Variants in PIK3AP1 observed in about 807,000 individuals in gnomAD.
PIK3AP1 encodes phosphoinositide-3-kinase adaptor protein 1.
Under a neutral mutation model 88.1 loss-of-function variants are expected in PIK3AP1, and 21 were observed. The observed-to-expected ratio is 0.24, with a 90% CI of 0.17 to 0.34. The LOEUF is 0.34. PIK3AP1 is among the 10% of genes least tolerant of loss of function. The pLI is 1.00. For synonymous variants in PIK3AP1, 398 were observed against 400.0 expected (o/e 1.00, Z 0.06); for missense variants, 828 against 1,035.7 (o/e 0.80, Z 2.75).
intron 2 of PIK3AP1, among the ~76,000 whole-genome samples, chr10:96,666,372 T>C (rs769950781): frequency 4.6e-5 from 7 of 152,058 alleles, no homozygotes; most frequent in Non-Finnish European, 1.0e-4. Context: ...TGAGCCGAGA[T>C]CGCACCATTG....
At chr10:96,606,296 G>A (rs1007457136) in intron 14 of PIK3AP1, among the ~76,000 whole-genome samples, 2 of 152,050 alleles carry the variant, frequency 1.3e-5, no homozygotes, top group Non-Finnish European at 2.9e-5. Flanking sequence ...TAGCCCCTCG[G>A]GCCCACGGGC....
At chr10:96,630,531 C>G (rs1029147297) in intron 8 of PIK3AP1, among the ~76,000 whole-genome samples, 1 of 152,046 alleles carries the variant, frequency 6.6e-6, no homozygotes, top group African/African-American at 2.4e-5. Context: ...GAACATTTTC[C>G]TCATGGAGTT....
intron 2 of PIK3AP1, among the ~76,000 whole-genome samples, chr10:96,662,540 T>C (rs1226375032): frequency 2.7e-5 from 4 of 148,204 alleles, no homozygotes; most frequent in Non-Finnish European, 4.4e-5. Flanking sequence ...GAGGCAGAGA[T>C]TGCAGTGAGC....
chr10:96,613,585 G>T (rs1564955245), intron 13 of PIK3AP1, among the ~76,000 whole-genome samples: 1 of 152,196 alleles, frequency 6.6e-6, no homozygotes, highest in East Asian at 1.9e-4. Context: ...GAGAGTCGGG[G>T]ATGGGGGCTG....
chr10:96,708,293 G>T (rs1456009190), intron 2 of PIK3AP1, among the ~76,000 whole-genome samples: 1 of 152,128 alleles, frequency 6.6e-6, no homozygotes, highest in African/African-American at 2.4e-5. Flanking sequence ...AACAAAAAGA[G>T]GCTAGGCGTG....
At chr10:96,621,291 AC>A (rs1323440665) in intron 11 of PIK3AP1, 1 of 154,134 alleles carries the variant, frequency 6.5e-6, no homozygotes, top group South Asian at 1.8e-4. Flanking sequence ...GGTAGTGGCT[AC>A]CCCCTTGGAG....
chr10:96,672,342 G>A (rs1250865619), intron 2 of PIK3AP1, among the ~76,000 whole-genome samples: 1 of 152,132 alleles, frequency 6.6e-6, no homozygotes, highest in Non-Finnish European at 1.5e-5. Flanking sequence ...ACTGACATCA[G>A]CCCAAATCTT....
intron 8 of PIK3AP1, among the ~76,000 whole-genome samples, chr10:96,629,714 CAAAAA>C (rs33921990): frequency 1.4e-5 from 1 of 71,742 alleles, no homozygotes; most frequent in African/African-American, 6.1e-5. Flanking sequence ...CCCATCTCTA[CAAAAA>C]AAAAAAAAAA....
intron 2 of PIK3AP1, among the ~76,000 whole-genome samples, chr10:96,668,096 A>C (rs1843790974): frequency 6.6e-6 from 1 of 152,230 alleles, no homozygotes; most frequent in South Asian, 2.1e-4. Context: ...CAACGAAAAA[A>C]TTTTGGAAAG....
chr10:96,607,821 G>A (rs965049203), intron 14 of PIK3AP1, among the ~76,000 whole-genome samples: 3 of 152,196 alleles, frequency 2.0e-5, no homozygotes, highest in Admixed American at 2.0e-4. Context: ...TGCCACAGAG[G>A]AAAGATGAAC....
chr10:96,705,884 G>GC (rs1844355402), intron 2 of PIK3AP1, among the ~76,000 whole-genome samples: 2 of 60,968 alleles, frequency 3.3e-5, no homozygotes, highest in Non-Finnish European at 6.2e-5. Flanking sequence ...CCAGCCAGTT[G>GC]TTTTTTTTTT....
chr10:96,716,001 C>A (rs1164137035), intron 1 of PIK3AP1, among the ~76,000 whole-genome samples: 2 of 152,028 alleles, frequency 1.3e-5, no homozygotes, highest in African/African-American at 4.8e-5. Context: ...TCATTCCTGG[C>A]CAGGAACAGT....
intron 2 of PIK3AP1, among the ~76,000 whole-genome samples, chr10:96,680,278 C>A (rs1843981506): frequency 6.6e-6 from 1 of 152,004 alleles, no homozygotes; most frequent in African/African-American, 2.4e-5. Flanking sequence ...ACTGTGGTAG[C>A]TTTTAGCGGC....
intron 2 of PIK3AP1, among the ~76,000 whole-genome samples, chr10:96,666,612 C>T (rs1307817837): frequency 6.6e-6 from 1 of 151,888 alleles, no homozygotes; most frequent in Non-Finnish European, 1.5e-5. Context: ...CACAACTAAG[C>T]TACATGGAGT....
intron 2 of PIK3AP1, among the ~76,000 whole-genome samples, chr10:96,707,439 C>T (rs753705534): frequency 2.0e-5 from 3 of 152,060 alleles, no homozygotes; most frequent in East Asian, 1.9e-4. Flanking sequence ...ATTACAGGCA[C>T]GCACCATCAC....
At chr10:96,622,540 C>T (rs774874778) in intron 11 of PIK3AP1, among the ~76,000 whole-genome samples, 2 of 152,200 alleles carry the variant, frequency 1.3e-5, no homozygotes, top group Non-Finnish European at 2.9e-5. Flanking sequence ...TTCTGCCCAA[C>T]CATTCACTTA....
Position 96,709,577 on chromosome 10 carries a change from G to A in PIK3AP1, c.420C>T (p.Ala140=), listed in dbSNP as rs1280210394. The change falls in exon 2 of 17, where the codon GCC becomes GCT. Residue 140 remains alanine, a synonymous_variant. Transcript: ENST00000339364. ...PETYVAAVKK[A]ISEDSGCDSV... is the part of the protein sequence containing the mutation. Reference sequence around the variant, plus strand: ...AGAAGAAATCCTTACCTTCGGAAATGGCTTTTTTCACAGCTGCCACGTAGG... The same window carrying A: ...AGAAGAAATCCTTACCTTCGGAAATAGCTTTTTTCACAGCTGCCACGTAGG... 2.5e-6 allele frequency: 4 copies of A among 1,603,762 alleles called. No individual in the cohort carries two copies. The highest frequency in any genetic ancestry group is 3.4e-6 in the Non-Finnish European group (4 of 1,173,356).
chr10:96,645,488 C>G lies in PIK3AP1; in HGVS notation c.1360G>C (p.Ala454Pro). The G allele has an allele frequency of 6.2e-7, 1 of 1,613,638 alleles. No homozygotes were observed. Among genetic ancestry groups the G allele is most frequent in the Non-Finnish European group, 8.5e-7 (1 of 1,179,846 alleles). The change falls in exon 8 of 17, where the codon GCC (alanine) becomes CCC (proline). Residue 454 changes from alanine (A) to proline (P), a missense_variant. Ala to Pro is a conservative substitution (Grantham distance 27, BLOSUM62 -1). Coordinates refer to ENST00000339364, the MANE Select transcript of PIK3AP1 (RefSeq NM_152309.3). ...TGCTACTTACAGAGGTCTTCAGTGG[C>G]AGCTGGGACAAAGGCAGCCATGGAC... is the stretch of plus-strand genomic sequence containing the variant. ...YESMAAFVPA[A>P]TEDLYVEMLQ... is the part of the protein sequence containing the mutation.
chr10:96,656,887 C>T lies in PIK3AP1; in HGVS notation c.478G>A (p.Val160Ile), dbSNP rs1376560222. The change falls in exon 3 of 17, where the codon GTT (valine) becomes ATT (isoleucine). Residue 160 changes from valine (V) to isoleucine (I), a missense_variant. Physicochemically the swap from Val to Ile is conservative, Grantham distance 29 (BLOSUM62 3). This residue lies in a region of PIK3AP1 where 610 missense variants were observed against 760.1 expected (regional missense o/e 0.80). Coordinates refer to ENST00000339364, the MANE Select transcript of PIK3AP1 (RefSeq NM_152309.3). ...VTDTEPEDEK[V>I]VSYSKQQNLP... ...TTCTGCTGCTTCGAGTAGGAAACAA[C>T]CTTCTCGTCCTCAGGCTCAGTGTCA... The T allele has an allele frequency of 5.0e-6, 8 of 1,613,980 alleles. No homozygotes were observed. The highest frequency in any genetic ancestry group is 1.6e-4 in the Middle Eastern group (1 of 6,084).
Sources: allele counts gnomAD v4.1 joint callset (sites outside exome capture counted in the v4.1 genomes callset), GRCh38; gene constraint gnomAD v4.1.1; regional missense constraint gnomAD v4.1.1; transcripts MANE v1.5; gene names NCBI Gene and HGNC (gene_info 2026-07-23, HGNC 2026-07-21).